NALCN: variants seen among roughly 807,000 people sequenced by gnomAD.
NALCN encodes the protein sodium leak channel NALCN.
Under a neutral mutation model 225.3 loss-of-function variants are expected in NALCN, and 111 were observed. That is an observed-to-expected ratio of 0.49 (90% CI 0.42 to 0.58). The LOEUF is 0.58. Among genes scored for constraint, NALCN ranks in the 20% least tolerant of loss-of-function variants. The pLI is 0.00. For missense variants in NALCN, 1,378 were observed against 2,202.4 expected (o/e 0.63, Z 7.49); for synonymous variants, 764 against 769.0 (o/e 0.99, Z 0.11).
intron 17 of NALCN, among the ~76,000 whole-genome samples, chr13:101,136,613 G>A (rs1015669384): frequency 6.6e-6 from 1 of 152,084 alleles, no homozygotes; most frequent in African/African-American, 2.4e-5. Context: ...CTTCATCCAC[G>A]TCCCTACAAA....
chr13:101,142,995 T>C, intron 17 of NALCN, 85 bp downstream of exon 17: 1 of 1,502,186 alleles, frequency 6.7e-7, no homozygotes. Context: ...GAAATTGGAT[T>C]CCAGGACCCT....
chr13:101,382,954 G>A (rs1377688671), intron 3 of NALCN, among the ~76,000 whole-genome samples: 7 of 152,102 alleles, frequency 4.6e-5, no homozygotes, highest in Non-Finnish European at 1.0e-4. Flanking sequence ...CTGGGCATAA[G>A]TTTCATGTAT....
chr13:101,140,580 C>T (rs963588073), intron 17 of NALCN, among the ~76,000 whole-genome samples: 17 of 152,180 alleles, frequency 1.1e-4, no homozygotes, highest in Non-Finnish European at 7.3e-5. Flanking sequence ...GCTTTGGAAA[C>T]AAAACAAAAC....
At chr13:101,309,334 A>C (rs1366441891) in intron 7 of NALCN, among the ~76,000 whole-genome samples, 1 of 152,204 alleles carries the variant, frequency 6.6e-6, no homozygotes, top group Non-Finnish European at 1.5e-5. Context: ...GCAAACAAAT[A>C]TGAGAAATAT....
intron 6 of NALCN, among the ~76,000 whole-genome samples, chr13:101,353,008 A>G (rs933894853): frequency 5.3e-5 from 8 of 152,202 alleles, no homozygotes; most frequent in Non-Finnish European, 1.0e-4. Flanking sequence ...CATGCAACAG[A>G]TAACACTATA....
chr13:101,312,940 G>T lies in NALCN; in HGVS notation c.800-20574C>A, dbSNP rs2044404248. ...TACCTGACTTCAAACTATACTACAA[G>T]GCTACAGTAACCAAAACAGCATGGT... On this transcript the variant is annotated intron_variant, in intron 7 of 43. Transcript: ENST00000251127. Among the ~76,000 whole-genome samples the T allele has an allele frequency of 5.9e-5, 9 of 152,214 alleles. No homozygotes were observed. In the South Asian group the frequency reaches 1.9e-3, roughly 32 times the overall value.
At chr13:101,144,410 G>A (rs189571714) in intron 16 of NALCN, among the ~76,000 whole-genome samples, 343 of 152,276 alleles carry the variant, frequency 2.3e-3, no homozygotes, top group African/African-American at 8.1e-3. Context: ...ATACGGTTGG[G>A]GTCTGAGATT....
intron 15 of NALCN, among the ~76,000 whole-genome samples, chr13:101,152,330 G>T (rs573753621): frequency 1.3e-5 from 2 of 152,306 alleles, no homozygotes; most frequent in South Asian, 4.1e-4. Context: ...TGTTTTCGGA[G>T]GGGCGGATGC....
chr13:101,275,482 A>T (rs1768871441), intron 10 of NALCN, among the ~76,000 whole-genome samples: 2 of 152,164 alleles, frequency 1.3e-5, no homozygotes, highest in Non-Finnish European at 2.9e-5. Flanking sequence ...AACCCAGGAA[A>T]ACTGCATTCT....
At chr13:101,388,688 C>T (rs1284061132) in intron 3 of NALCN, among the ~76,000 whole-genome samples, 1 of 152,158 alleles carries the variant, frequency 6.6e-6, no homozygotes, top group Non-Finnish European at 1.5e-5. Flanking sequence ...TGACAACTAG[C>T]AGAATGCCTA....
chr13:101,074,798 A>G (rs2139473183), intron 35 of NALCN, 136 bp from the exon 36 acceptor site: 1 of 1,037,244 alleles, frequency 9.6e-7, no homozygotes, highest in South Asian at 2.2e-5. Flanking sequence ...CTTTAAGCAG[A>G]TTGGCTCAAA....
At chr13:101,174,435 T>C (rs563767788) in intron 15 of NALCN, among the ~76,000 whole-genome samples, 16 of 152,294 alleles carry the variant, frequency 1.1e-4, no homozygotes, top group Non-Finnish European at 2.2e-4. Context: ...GGCCATATAG[T>C]TTATTAAAAC....
At chr13:101,144,688 T>A in intron 16 of NALCN, 72 bp downstream of exon 16, 1 of 1,506,730 alleles carries the variant, frequency 6.6e-7, no homozygotes, top group Non-Finnish European at 8.9e-7. Flanking sequence ...AAAAGAAGGG[T>A]TAAATCAGAT....
At chr13:101,387,335 G>C (rs1021301008) in intron 3 of NALCN, among the ~76,000 whole-genome samples, 250 of 150,948 alleles carry the variant, frequency 1.7e-3, no homozygotes, top group Non-Finnish European at 2.0e-3. Context: ...ATGGCTAACA[G>C]GTACTGCTCA....
At chr13:101,395,123 A>C in intron 3 of NALCN, 60 bp downstream of exon 3, 2 of 1,463,726 alleles carry the variant, frequency 1.4e-6, no homozygotes, top group Non-Finnish European at 1.8e-6. Context: ...AATATGATTA[A>C]AGGGATTAAG....
At chr13:101,349,089 A>T (rs1018421981) in intron 6 of NALCN, among the ~76,000 whole-genome samples, 1 of 152,144 alleles carries the variant, frequency 6.6e-6, no homozygotes, top group African/African-American at 2.4e-5. Context: ...AAAATCCTGG[A>T]CATAGACAAT....
intron 7 of NALCN, among the ~76,000 whole-genome samples, chr13:101,327,961 G>C (rs1457463536): frequency 6.6e-6 from 1 of 152,130 alleles, no homozygotes; most frequent in Non-Finnish European, 1.5e-5. Context: ...GAACTTTTCT[G>C]CTGTTGGAGA....
intron 18 of NALCN, among the ~76,000 whole-genome samples, chr13:101,111,978 C>T (rs908380601): frequency 2.6e-5 from 4 of 152,150 alleles, no homozygotes; most frequent in Non-Finnish European, 5.9e-5. Flanking sequence ...TTTGTCCACT[C>T]AGGCTCCTGG....
chr13:101,167,274 T>G (rs1236145901), intron 15 of NALCN, among the ~76,000 whole-genome samples: 1 of 152,244 alleles, frequency 6.6e-6, no homozygotes, highest in Non-Finnish European at 1.5e-5. Flanking sequence ...TACGAAAGAT[T>G]GCATTGAATC....
Sources: allele counts gnomAD v4.1 joint callset (sites outside exome capture counted in the v4.1 genomes callset), GRCh38; gene constraint gnomAD v4.1.1; transcripts MANE v1.5; gene names NCBI Gene and HGNC (gene_info 2026-07-23, HGNC 2026-07-21).